NTM: variants seen among roughly 807,000 people sequenced by gnomAD.
The protein encoded by NTM is neurotrimin, also known as IgLON family member 2.
In NTM, 13 loss-of-function variants were observed where a neutral mutation model predicts 42.1. The ratio of observed to expected loss-of-function variants is 0.31; its 90% CI spans 0.20 to 0.49. NTM has a LOEUF of 0.49. Ranked by LOEUF, NTM falls within the 20% of genes least tolerant of loss-of-function variation. The pLI, the probability that NTM is intolerant of heterozygous loss-of-function variation, is 0.99. For synonymous variants in NTM, 187 were observed against 179.2 expected, an observed-to-expected ratio of 1.04 and a Z score of -0.35; for missense variants, 373 against 452.8, an observed-to-expected ratio of 0.82 and a Z score of 1.60.
chr11:132,170,799 T>C (rs2076009116), intron 3 of NTM, among the ~76,000 whole-genome samples: 1 of 152,186 alleles, frequency 6.6e-6, no homozygotes, highest in Non-Finnish European at 1.5e-5. Flanking sequence ...ATTTAACAAC[T>C]ATTTACTAAA....
At chr11:131,707,297 G>T (rs755369362) in intron 1 of NTM, among the ~76,000 whole-genome samples, 1 of 151,872 alleles carries the variant, frequency 6.6e-6, no homozygotes, top group East Asian at 1.9e-4. Flanking sequence ...TGTCCTTCAG[G>T]TTCATTCATA....
At chr11:131,486,300 G>A (rs528704793) in intron 1 of NTM, among the ~76,000 whole-genome samples, 91 of 152,254 alleles carry the variant, frequency 6.0e-4, no homozygotes, top group Non-Finnish European at 1.2e-3. Context: ...CTACCAGAAA[G>A]GCACTGAAGT....
chr11:131,732,724 C>A (rs1323679480), intron 1 of NTM, among the ~76,000 whole-genome samples: 1 of 152,084 alleles, frequency 6.6e-6, no homozygotes, highest in African/African-American at 2.4e-5. Flanking sequence ...TTATGTATTC[C>A]TAGAGGGTAC....
chr11:132,325,977 T>A (rs1198296450), intron 7 of NTM, among the ~76,000 whole-genome samples: 1 of 133,660 alleles, frequency 7.5e-6, no homozygotes, highest in Admixed American at 8.0e-5. Context: ...TGAGAACACA[T>A]GGACACAGGA....
intron 2 of NTM, among the ~76,000 whole-genome samples, chr11:131,928,279 A>G (rs937790584): frequency 6.6e-6 from 1 of 152,224 alleles, no homozygotes; most frequent in African/African-American, 2.4e-5. Flanking sequence ...AGTATTTTTA[A>G]TAATTACATT....
chr11:131,871,036 C>T (rs1187980918), intron 1 of NTM, among the ~76,000 whole-genome samples: 1 of 152,208 alleles, frequency 6.6e-6, no homozygotes, highest in Non-Finnish European at 1.5e-5. Flanking sequence ...GAAAGCTCAT[C>T]TGAAAGCACC....
At chr11:132,139,166 A>G (rs977609051) in intron 2 of NTM, among the ~76,000 whole-genome samples, 1 of 152,192 alleles carries the variant, frequency 6.6e-6, no homozygotes, top group Admixed American at 6.5e-5. Context: ...AAAAGGAAAG[A>G]AAAACATCCA....
At chr11:132,084,262 C>T (rs556543972) in intron 2 of NTM, among the ~76,000 whole-genome samples, 1 of 152,104 alleles carries the variant, frequency 6.6e-6, no homozygotes, top group Non-Finnish European at 1.5e-5. Flanking sequence ...CAATCAAAAA[C>T]ATGATTGACA....
chr11:131,373,306 A>G (rs1941472238), intron 1 of NTM, among the ~76,000 whole-genome samples: 2 of 152,152 alleles, frequency 1.3e-5, no homozygotes, highest in Admixed American at 1.3e-4. Context: ...ACACATTCCA[A>G]GGCGATTTTT....
chr11:131,419,962 T>G (rs1013321627), intron 1 of NTM, among the ~76,000 whole-genome samples: 13 of 152,172 alleles, frequency 8.5e-5, no homozygotes, highest in African/African-American at 3.1e-4. Flanking sequence ...GCAGCCATCA[T>G]CAACCTGCCC....
At chr11:131,634,395 T>TG (rs976463673) in intron 1 of NTM, among the ~76,000 whole-genome samples, 13 of 102,008 alleles carry the variant, frequency 1.3e-4, no homozygotes, top group African/African-American at 3.7e-4. Context: ...TCAAGCCCCC[T>TG]GGAAAAAAAA....
At chr11:131,710,525 T>C (rs903899153) in intron 1 of NTM, among the ~76,000 whole-genome samples, 3 of 152,228 alleles carry the variant, frequency 2.0e-5, no homozygotes, top group African/African-American at 7.2e-5. Flanking sequence ...TCGATTCAGG[T>C]AGTTATTTTA....
intron 2 of NTM, among the ~76,000 whole-genome samples, chr11:132,141,490 T>C (rs1016543348): frequency 6.6e-6 from 1 of 152,172 alleles, no homozygotes; most frequent in Admixed American, 6.5e-5. Flanking sequence ...TTTTAGAGCA[T>C]TGGAACAATA....
chr11:132,189,366 A>G (rs2078937152), intron 3 of NTM, among the ~76,000 whole-genome samples: 2 of 152,208 alleles, frequency 1.3e-5, no homozygotes, highest in Admixed American at 1.3e-4. Flanking sequence ...GAGGAGTATT[A>G]AAGTTGCTGA....
chr11:132,229,973 T>G (rs528104098), intron 4 of NTM, among the ~76,000 whole-genome samples: 2 of 152,376 alleles, frequency 1.3e-5, no homozygotes, highest in South Asian at 4.1e-4. Context: ...CCATGGCAAC[T>G]GCCGTCATAG....
intron 1 of NTM, among the ~76,000 whole-genome samples, chr11:131,605,050 C>T (rs1035860772): frequency 6.6e-6 from 1 of 151,450 alleles, no homozygotes; most frequent in Non-Finnish European, 1.5e-5. Flanking sequence ...TTGTGGGTTT[C>T]TTGATTTCCT....
At chr11:131,807,553 A>T (rs919445877) in intron 1 of NTM, among the ~76,000 whole-genome samples, 3 of 152,202 alleles carry the variant, frequency 2.0e-5, no homozygotes, top group African/African-American at 7.2e-5. Flanking sequence ...TTTCATCATC[A>T]GCACAATAGT....
intron 1 of NTM, among the ~76,000 whole-genome samples, chr11:131,683,663 A>G (rs2073361107): frequency 6.6e-6 from 1 of 152,230 alleles, no homozygotes; most frequent in African/African-American, 2.4e-5. Flanking sequence ...AAATCCTATC[A>G]TGATTGCTCT....
chr11:132,311,146 G>A (rs986055117), intron 6 of NTM, among the ~76,000 whole-genome samples: 1 of 152,176 alleles, frequency 6.6e-6, no homozygotes, highest in Non-Finnish European at 1.5e-5. Context: ...TGCAGGCCAG[G>A]AGCAAGTGAA....
Sources: gnomAD v4.1 joint callset for allele counts (sites outside exome capture counted in the v4.1 genomes callset) on GRCh38, gnomAD v4.1.1 for gene constraint, MANE v1.5 for transcripts, NCBI Gene and HGNC (gene_info 2026-07-23, HGNC 2026-07-21) for gene names.